The following FILIP1L variants were observed in gnomAD, a reference collection of about 807,000 sequenced individuals.
FILIP1L encodes the protein filamin A-interacting protein 1-like.
FILIP1L carries 55 observed loss-of-function variants against 96.6 expected under a neutral mutation model. The observed-to-expected ratio is 0.57, with a 90% CI of 0.46 to 0.71. FILIP1L has a LOEUF of 0.71. Ranked by LOEUF, FILIP1L falls within the 30% of genes least tolerant of loss-of-function variation. The probability of loss-of-function intolerance (pLI) is 0.00; values close to 1 mark genes in which losing one functional copy is unlikely to be tolerated. For synonymous variants in FILIP1L, 467 were observed against 473.9 expected, an observed-to-expected ratio of 0.99 and a Z score of 0.19; for missense variants, 1,304 against 1,321.2, an observed-to-expected ratio of 0.99 and a Z score of 0.20.
intron 4 of FILIP1L, among the ~76,000 whole-genome samples, chr3:99,874,793 T>G (rs939310059): frequency 3.3e-5 from 5 of 152,194 alleles, no homozygotes; most frequent in African/African-American, 1.2e-4. Context: ...ATCTGACATT[T>G]TCTTCTGACA....
intron 1 of FILIP1L, among the ~76,000 whole-genome samples, chr3:100,102,271 C>A (rs1045675223): frequency 2.0e-5 from 3 of 152,184 alleles, no homozygotes; most frequent in Non-Finnish European, 4.4e-5. Context: ...TCCACATCCT[C>A]TCCAGCACCT....
At position 99,849,719 on chromosome 3, in the gene FILIP1L, C is replaced by T. The variant is rs765951675; in HGVS notation, c.1957G>A (p.Glu653Lys). 5 of 1,613,774 alleles carry T rather than the reference C, an allele frequency of 3.1e-6. No individual in the cohort carries two copies. The highest frequency in any genetic ancestry group is 1.1e-5 in the South Asian group (1 of 91,046). Residue 653 changes from glutamate to lysine, a missense_variant, in exon 5 of 6, where the codon GAA becomes AAA. Glu to Lys is a moderately conservative substitution (Grantham distance 56). Coordinates refer to ENST00000477258, the MANE Select transcript of FILIP1L (RefSeq NM_001387850.1). ...KAIEDDLMKT[E>K]DEYETLERRY... ...CGTTCTAGAGTCTCATATTCATCTT[C>T]TGTTTTCATGAGGTCATCCTCAATG...
intron 1 of FILIP1L, among the ~76,000 whole-genome samples, chr3:100,055,604 C>T (rs2065451457): frequency 6.6e-6 from 1 of 152,126 alleles, no homozygotes; most frequent in Non-Finnish European, 1.5e-5. Flanking sequence ...TTACCCATTG[C>T]TATACCACCT....
chr3:100,071,665 G>T (rs1347067835), intron 1 of FILIP1L, among the ~76,000 whole-genome samples: 5 of 152,102 alleles, frequency 3.3e-5, no homozygotes, highest in Non-Finnish European at 7.3e-5. Flanking sequence ...GATCTTCCTT[G>T]GTCCATTCTT....
At chr3:100,005,645 TTG>T (rs1709965763) in intron 1 of FILIP1L, among the ~76,000 whole-genome samples, 1 of 152,244 alleles carries the variant, frequency 6.6e-6, no homozygotes, top group African/African-American at 2.4e-5. Flanking sequence ...CCAGAAATAT[TTG>T]TTTTAATGGA....
chr3:99,930,713 AT>A, intron 2 of FILIP1L, 55 bp downstream of exon 2: 1 of 1,590,430 alleles, frequency 6.3e-7, no homozygotes, highest in Admixed American at 1.7e-5. Flanking sequence ...GGAACACCAA[AT>A]TCACAAGCAG....
At chr3:100,061,037 C>G (rs771619648) in intron 1 of FILIP1L, among the ~76,000 whole-genome samples, 1 of 151,966 alleles carries the variant, frequency 6.6e-6, no homozygotes, top group Non-Finnish European at 1.5e-5. Context: ...ACCCTTTGCC[C>G]CAAGATTTAT....
At chr3:100,112,399 A>G (rs932190582) in intron 1 of FILIP1L, among the ~76,000 whole-genome samples, 12 of 152,204 alleles carry the variant, frequency 7.9e-5, no homozygotes, top group Non-Finnish European at 1.5e-4. Context: ...AGTCTCCTAC[A>G]ATAGCACTCT....
intron 1 of FILIP1L, among the ~76,000 whole-genome samples, chr3:100,031,799 G>A (rs954985492): frequency 6.6e-6 from 1 of 152,152 alleles, no homozygotes; most frequent in South Asian, 2.1e-4. Flanking sequence ...AGTGTCAACA[G>A]ACTTTTTTGT....
chr3:99,894,540 C>A (rs892321621), intron 4 of FILIP1L, among the ~76,000 whole-genome samples: 1 of 152,126 alleles, frequency 6.6e-6, no homozygotes, highest in Non-Finnish European at 1.5e-5. Context: ...TAGGATAATG[C>A]TGAATTTACT....
chr3:99,984,052 A>ATGTGTGTGTGTG (rs34256109), intron 1 of FILIP1L, among the ~76,000 whole-genome samples: 19 of 151,286 alleles, frequency 1.3e-4, no homozygotes, highest in African/African-American at 4.4e-4. Flanking sequence ...ATGTATATGT[A>ATGTGTGTGTGTG]TGTGTGTTTG....
chr3:99,950,732 T>C (rs991358973), intron 1 of FILIP1L, among the ~76,000 whole-genome samples: 7 of 152,314 alleles, frequency 4.6e-5, no homozygotes, highest in Non-Finnish European at 1.0e-4. Context: ...AAAAGCTGTG[T>C]GTTAAATTCT....
At chr3:99,928,141 G>GT (rs1322542940) in intron 3 of FILIP1L, among the ~76,000 whole-genome samples, 3 of 152,238 alleles carry the variant, frequency 2.0e-5, no homozygotes, top group African/African-American at 7.2e-5. Context: ...TTAGGATACA[G>GT]TCACAGCTGG....
At chr3:99,992,335 G>GT (rs1709548747) in intron 1 of FILIP1L, among the ~76,000 whole-genome samples, 1 of 151,968 alleles carries the variant, frequency 6.6e-6, no homozygotes, top group Admixed American at 6.6e-5. Context: ...AACATCTGTT[G>GT]TTTTTTGACT....
At chr3:99,902,862 A>G (rs1281608859) in intron 4 of FILIP1L, among the ~76,000 whole-genome samples, 4 of 152,218 alleles carry the variant, frequency 2.6e-5, no homozygotes, top group African/African-American at 7.2e-5. Flanking sequence ...TAGATGATAA[A>G]TTGATAGATT....
At chr3:100,079,430 CTTCT>C (rs1282578757) in intron 1 of FILIP1L, among the ~76,000 whole-genome samples, 14 of 152,118 alleles carry the variant, frequency 9.2e-5, no homozygotes, top group Non-Finnish European at 2.9e-5. Context: ...TGCATTTGAA[CTTCT>C]TTATGTCCTT....
At chr3:100,092,107 G>T (rs2066120447) in intron 1 of FILIP1L, among the ~76,000 whole-genome samples, 1 of 152,264 alleles carries the variant, frequency 6.6e-6, no homozygotes, top group East Asian at 1.9e-4. Flanking sequence ...ACTCTGTAAA[G>T]AATTTAGAAA....
At position 99,856,482 on chromosome 3, in the gene FILIP1L, C is replaced by T. The variant is rs138641787; in HGVS notation, c.606-5412G>A. 5.1e-3 allele frequency among the ~76,000 whole-genome samples: 771 copies of T among 152,206 alleles called. 10 individuals are homozygous for T. Among genetic ancestry groups the T allele is most frequent in the African/African-American group, 0.017 (692 of 41,518 alleles). On this transcript the variant is annotated intron_variant, in intron 4 of 5. Transcript: ENST00000477258. ...GCATTATAGGAACATTCAGTGAATC[C>T]GCTCCAATAAAAATGGGTTGTGGAA...
chr3:99,887,241 T>C (rs1047108732), intron 4 of FILIP1L, among the ~76,000 whole-genome samples: 51 of 151,578 alleles, frequency 3.4e-4, no homozygotes, highest in Non-Finnish European at 4.9e-4. Context: ...CACTCCAGTC[T>C]GGGCAACAAC....
Sources: gnomAD v4.1 joint callset for allele counts (sites outside exome capture counted in the v4.1 genomes callset) on GRCh38, gnomAD v4.1.1 for gene constraint, MANE v1.5 for transcripts, NCBI Gene and HGNC (gene_info 2026-07-23, HGNC 2026-07-21) for gene names.